Variants in RERE observed in about 807,000 individuals in gnomAD.
RERE encodes arginine-glutamic acid dipeptide repeats, also known as arginine-glutamic acid dipeptide repeats protein.
RERE carries 40 observed loss-of-function variants against 146.1 expected under a neutral mutation model. That is an observed-to-expected ratio of 0.27 (90% CI 0.21 to 0.36). The LOEUF is 0.36. Among genes scored for constraint, RERE ranks in the 10% least tolerant of loss-of-function variants. The pLI is 1.00. For missense variants in RERE, 1,933 were observed against 2,138.7 expected, an observed-to-expected ratio of 0.90 and a Z score of 1.90; for synonymous variants, 1,003 against 866.0, an observed-to-expected ratio of 1.16 and a Z score of -2.78.
chr1:8,444,496 G>A (rs914098524), intron 11 of RERE, among the ~76,000 whole-genome samples: 2 of 152,160 alleles, frequency 1.3e-5, no homozygotes, highest in Non-Finnish European at 2.9e-5. Context: ...GGGGACTATC[G>A]ATAACGGATA....
At chr1:8,377,474 T>G (rs1001031089) in intron 12 of RERE, among the ~76,000 whole-genome samples, 8 of 152,216 alleles carry the variant, frequency 5.3e-5, no homozygotes, top group Admixed American at 5.2e-4. Flanking sequence ...AACACTTCAT[T>G]ATTTCCTGAA....
At chr1:8,543,559 C>G (rs1463837822) in intron 6 of RERE, among the ~76,000 whole-genome samples, 2 of 152,182 alleles carry the variant, frequency 1.3e-5, no homozygotes, top group Non-Finnish European at 2.9e-5. Flanking sequence ...ACCCTTAACT[C>G]TAAACACAAC....
At position 8,532,985 on chromosome 1, in the gene RERE, G is replaced by A. The variant is rs561952421; in HGVS notation, c.830+8229C>T. Among the ~76,000 whole-genome samples the A allele has an allele frequency of 2.6e-5, 4 of 152,264 alleles. No homozygotes were observed. In the East Asian group the frequency reaches 7.7e-4, roughly 29 times the overall value. On this transcript the variant is annotated intron_variant, in intron 7 of 22. Transcript: ENST00000400908. The stretch of plus-strand genomic sequence containing the variant: ...TGACCTCAAGTGATCCACCGCCTCA[G>A]CCTCCCAATGTGCTGGGATTACAGG...
chr1:8,427,502 C>G (rs1389334910), intron 11 of RERE, among the ~76,000 whole-genome samples: 1 of 152,010 alleles, frequency 6.6e-6, no homozygotes, highest in African/African-American at 2.4e-5. Context: ...TCAACTTGAA[C>G]GTTTCACAGG....
intron 1 of RERE, among the ~76,000 whole-genome samples, chr1:8,688,123 T>C (rs934245586): frequency 6.6e-6 from 1 of 152,174 alleles, no homozygotes; most frequent in Admixed American, 6.5e-5. Flanking sequence ...ATACTCTAGG[T>C]AACCACACAA....
Position 8,763,310 on chromosome 1 carries a change from C to T in RERE, c.-145+53850G>A, listed in dbSNP as rs80220346. On this transcript the variant is annotated intron_variant, in intron 1 of 22. Transcript: ENST00000400908. The stretch of plus-strand genomic sequence containing the variant: ...AAACTAAAAGAAAAAAAATCTACTC[C>T]CATAATCAAGAGTTTCCATGCAGTA... Among the ~76,000 whole-genome samples, 737 of 152,122 alleles carry T rather than the reference C, an allele frequency of 4.8e-3. 4 individuals are homozygous for T. Among genetic ancestry groups the T allele is most frequent in the African/African-American group, 0.017 (708 of 41,492 alleles).
intron 1 of RERE, among the ~76,000 whole-genome samples, chr1:8,811,157 T>A (rs1641799458): frequency 1.3e-5 from 2 of 152,080 alleles, no homozygotes; most frequent in African/African-American, 2.4e-5. Flanking sequence ...CCAGAGAACA[T>A]TTCCAGTGCC....
intron 2 of RERE, among the ~76,000 whole-genome samples, chr1:8,629,951 G>A (rs1468775683): frequency 6.6e-6 from 1 of 152,176 alleles, no homozygotes; most frequent in Non-Finnish European, 1.5e-5. Context: ...AGACCAAGCT[G>A]GGTGGCACAG....
chr1:8,401,674 T>C (rs1283647955), intron 12 of RERE, among the ~76,000 whole-genome samples: 2 of 150,834 alleles, frequency 1.3e-5, no homozygotes, highest in Non-Finnish European at 3.0e-5. Flanking sequence ...GTGGGAGGAC[T>C]GCTTAAGCCT....
intron 1 of RERE, among the ~76,000 whole-genome samples, chr1:8,785,077 T>C (rs1373315688): frequency 6.6e-6 from 1 of 152,072 alleles, no homozygotes; most frequent in African/African-American, 2.4e-5. Context: ...CCAAAGCAAA[T>C]CATAACCTGT....
intron 12 of RERE, among the ~76,000 whole-genome samples, chr1:8,401,030 A>T (rs1295447017): frequency 7.3e-5 from 3 of 40,854 alleles, no homozygotes; most frequent in East Asian, 7.5e-4. Flanking sequence ...AAAAAAAAAA[A>T]AAAAAACCAT....
At position 8,508,616 on chromosome 1, in the gene RERE, A is replaced by G. The variant is rs372595410; in HGVS notation, c.879+11T>C. ...AAAACCTATTAAGGAAGCTATGAAA[A>G]TGAACTTCACCTGATGACTAGGACC... On this transcript the variant is annotated intron_variant, in intron 8 of 22. Transcript: ENST00000400908. The G allele has an allele frequency of 5.6e-6, 9 of 1,605,174 alleles. No individual in the cohort carries two copies. The African/African-American group carries it at 1.2e-4, about 21-fold the overall frequency.
intron 4 of RERE, among the ~76,000 whole-genome samples, chr1:8,606,096 A>C (rs961578261): frequency 6.6e-6 from 1 of 152,080 alleles, no homozygotes; most frequent in African/African-American, 2.4e-5. Flanking sequence ...GATTACAGGC[A>C]TGGGTTACCA....
chr1:8,486,452 C>A (rs1644900673), intron 10 of RERE, among the ~76,000 whole-genome samples: 1 of 152,080 alleles, frequency 6.6e-6, no homozygotes, highest in African/African-American at 2.4e-5. Context: ...CTAAATAATT[C>A]ATGGGTCAAA....
intron 11 of RERE, among the ~76,000 whole-genome samples, chr1:8,462,870 T>A (rs892999723): frequency 1.6e-4 from 25 of 151,964 alleles, no homozygotes; most frequent in Non-Finnish European, 2.9e-4. Flanking sequence ...AAGACCCCCA[T>A]CTCTTAAAAA....
At chr1:8,734,872 C>G (rs1406017396) in intron 1 of RERE, among the ~76,000 whole-genome samples, 2 of 152,124 alleles carry the variant, frequency 1.3e-5, no homozygotes, top group African/African-American at 4.8e-5. Context: ...TCACTTCTCT[C>G]TCAATTATCC....
intron 1 of RERE, among the ~76,000 whole-genome samples, chr1:8,747,125 C>T (rs1569700474): frequency 6.6e-6 from 1 of 152,138 alleles, no homozygotes; most frequent in Admixed American, 6.5e-5. Context: ...CCTCAGCCTC[C>T]CGAGTAGCTG....
chr1:8,760,198 T>C (rs190663908), intron 1 of RERE, among the ~76,000 whole-genome samples: 233 of 152,306 alleles, frequency 1.5e-3, no homozygotes, highest in African/African-American at 5.1e-3. Context: ...GCTAATTTTT[T>C]GTATTTTCAG....
At chr1:8,608,131 C>G (rs895927708) in intron 4 of RERE, among the ~76,000 whole-genome samples, 1 of 152,080 alleles carries the variant, frequency 6.6e-6, no homozygotes, top group Non-Finnish European at 1.5e-5. Flanking sequence ...TCAAGCACTC[C>G]TCTCTCCTCA....
Sources: allele counts gnomAD v4.1 joint callset (sites outside exome capture counted in the v4.1 genomes callset), GRCh38; gene constraint gnomAD v4.1.1; transcripts MANE v1.5; gene names NCBI Gene and HGNC (gene_info 2026-07-23, HGNC 2026-07-21).